Variants in TRAK1 observed in about 807,000 individuals in gnomAD.
TRAK1 encodes the protein trafficking kinesin protein 1.
TRAK1 carries 33 observed loss-of-function variants against 92.1 expected under a neutral mutation model. That is an observed-to-expected ratio of 0.36 (90% CI 0.27 to 0.48). The LOEUF (loss-of-function observed/expected upper bound fraction) is 0.48. TRAK1 is among the 20% of genes least tolerant of loss of function. The pLI, the probability that TRAK1 is intolerant of heterozygous loss-of-function variation, is 0.99. For synonymous variants in TRAK1, 521 were observed against 517.3 expected (o/e 1.01, Z -0.10); for missense variants, 1,123 against 1,257.9 (o/e 0.89, Z 1.62).
chr3:42,171,633 C>T (rs1035023672), intron 2 of TRAK1, among the ~76,000 whole-genome samples: 2 of 152,184 alleles, frequency 1.3e-5, no homozygotes, highest in African/African-American at 4.8e-5. Flanking sequence ...TCTCCCGGCT[C>T]ATTCAGAAGC....
chr3:42,080,311 G>T (rs971237586), intron 1 of TRAK1, among the ~76,000 whole-genome samples: 1 of 152,078 alleles, frequency 6.6e-6, no homozygotes, highest in African/African-American at 2.4e-5. Flanking sequence ...GAAGAGTGGG[G>T]CAGGGGACCT....
In TRAK1 at chr3:42,042,088, A is replaced by G. The variant is rs193250241; in HGVS notation, c.-519+27971A>G. 2.8e-3 allele frequency among the ~76,000 whole-genome samples: 429 copies of G among 152,048 alleles called. 4 individuals carry two copies. Among genetic ancestry groups the G allele is most frequent in the Admixed American group, 0.022 (334 of 15,244 alleles). On this transcript the variant is annotated intron_variant, in intron 1 of 16. Transcript: ENST00000487159. Reference sequence around the variant, plus strand: ...ATTACAGGCATGAGCCACTGTGCCTAGGTAATTTTTGTATTTTCAGTAGTG... The same window carrying G: ...ATTACAGGCATGAGCCACTGTGCCTGGGTAATTTTTGTATTTTCAGTAGTG...
intron 1 of TRAK1, among the ~76,000 whole-genome samples, chr3:42,122,448 G>T (rs1710014296): frequency 6.6e-6 from 1 of 151,930 alleles, no homozygotes; most frequent in Non-Finnish European, 1.5e-5. Flanking sequence ...GAATGTGTTG[G>T]TTCCCTGCCT....
intron 1 of TRAK1, among the ~76,000 whole-genome samples, chr3:42,078,847 C>T (rs1459751801): frequency 1.3e-5 from 2 of 151,672 alleles, no homozygotes. Flanking sequence ...ATTCCATATG[C>T]TGTCATTGGC....
At chr3:42,037,795 A>G (rs569314776) in intron 1 of TRAK1, among the ~76,000 whole-genome samples, 12 of 152,322 alleles carry the variant, frequency 7.9e-5, no homozygotes, top group African/African-American at 2.4e-4. Context: ...AGGTTTAGTC[A>G]TATGCCTCTC....
At chr3:42,085,891 C>T (rs1483879155), upstream of TRAK1, among the ~76,000 whole-genome samples, 1 of 152,192 alleles carries the variant, frequency 6.6e-6, no homozygotes, top group African/African-American at 2.4e-5. Flanking sequence ...GCAGTGGCAT[C>T]ATCACACATA....
chr3:42,158,937 C>T (rs1279468257), intron 2 of TRAK1, among the ~76,000 whole-genome samples: 4 of 147,882 alleles, frequency 2.7e-5, no homozygotes, highest in Admixed American at 1.4e-4. Flanking sequence ...CCAGCCTGGG[C>T]GACAAAGCAA....
chr3:42,177,201 CA>C (rs1368639945), intron 3 of TRAK1, among the ~76,000 whole-genome samples: 1 of 152,078 alleles, frequency 6.6e-6, no homozygotes, highest in African/African-American at 2.4e-5. Flanking sequence ...TAAGTGCATC[CA>C]AAAAATGTCA....
intron 2 of TRAK1, among the ~76,000 whole-genome samples, chr3:42,140,643 A>G (rs1698530535): frequency 1.3e-5 from 2 of 152,230 alleles, no homozygotes; most frequent in Non-Finnish European, 2.9e-5. Context: ...AATGAATAAA[A>G]TAAAGATCAG....
At chr3:42,014,421 C>G (rs963665616) in intron 1 of TRAK1, among the ~76,000 whole-genome samples, 1 of 152,166 alleles carries the variant, frequency 6.6e-6, no homozygotes, top group Non-Finnish European at 1.5e-5. Context: ...GGCAGCACCC[C>G]GATTCCCACT....
At chr3:42,054,619 C>G (rs1430808640) in intron 1 of TRAK1, among the ~76,000 whole-genome samples, 1 of 152,124 alleles carries the variant, frequency 6.6e-6, no homozygotes, top group Non-Finnish European at 1.5e-5. Context: ...ATAAAAACAG[C>G]CTTCTCCTCT....
chr3:42,037,924 G>A (rs1185036930), intron 1 of TRAK1, among the ~76,000 whole-genome samples: 1 of 152,326 alleles, frequency 6.6e-6, no homozygotes, highest in South Asian at 2.1e-4. Flanking sequence ...TAGAGGTCAG[G>A]TGGCTGGGTG....
intron 1 of TRAK1, among the ~76,000 whole-genome samples, chr3:42,027,965 T>G: frequency 6.6e-6 from 1 of 152,180 alleles, no homozygotes; most frequent in East Asian, 1.9e-4. Context: ...TTCTTGTGCC[T>G]TAGCCTCCTG....
At chr3:42,048,532 G>A (rs1173938307) in intron 1 of TRAK1, among the ~76,000 whole-genome samples, 3 of 150,818 alleles carry the variant, frequency 2.0e-5, no homozygotes, top group African/African-American at 4.9e-5. Flanking sequence ...CTTTTTCTTC[G>A]GTTACAGTTC....
At chr3:42,094,763 CATA>C (rs925342637) in intron 1 of TRAK1, among the ~76,000 whole-genome samples, 13 of 152,198 alleles carry the variant, frequency 8.5e-5, no homozygotes, top group Admixed American at 2.0e-4. Context: ...ATAGGAGAAA[CATA>C]TATCGAAATG....
At chr3:42,089,562 C>G (rs1162194664), upstream of TRAK1, among the ~76,000 whole-genome samples, 1 of 152,126 alleles carries the variant, frequency 6.6e-6, no homozygotes, top group African/African-American at 2.4e-5. Context: ...CTCACTTAAC[C>G]TTGAACTCAC....
Position 42,209,971 on chromosome 3 carries a change from AC to A in TRAK1, c.1952del (p.Pro651GlnfsTer54). ...CTAGCTACCTCCACTCCAGTTCAGC[AC>A]CCAGAGACCTCAGGTGAGAGGTCCC... ...PRLATSTPVQ[H>X]PETSAHHPGK... On this transcript the variant is annotated frameshift_variant, in exon 14 of 16. Transcript: ENST00000327628. LOFTEE classifies it high-confidence loss of function. 2 of 1,614,160 alleles carry A rather than the reference AC, an allele frequency of 1.2e-6. No individual in the cohort carries two copies. The highest frequency in any genetic ancestry group is 1.7e-6 in the Non-Finnish European group (2 of 1,180,010).
At chr3:42,092,763 G>GTTATGTTATGTTATA (rs67683529) in intron 1 of TRAK1, among the ~76,000 whole-genome samples, 7,518 of 147,750 alleles carry the variant, frequency 0.051, 283 homozygotes, top group Middle Eastern at 0.086. Context: ...GTTATGTTAT[G>GTTATGTTATGTTATA]TTATGTTATT....
chr3:42,023,063 C>T (rs1701779562), intron 1 of TRAK1, among the ~76,000 whole-genome samples: 1 of 142,766 alleles, frequency 7.0e-6, no homozygotes, highest in African/African-American at 2.6e-5. Flanking sequence ...GAGGCTGAGG[C>T]AGGAGAATGG....
Sources: allele counts gnomAD v4.1 joint callset (sites outside exome capture counted in the v4.1 genomes callset), GRCh38; gene constraint gnomAD v4.1.1; transcripts MANE v1.5; gene names NCBI Gene and HGNC (gene_info 2026-07-23, HGNC 2026-07-21).